The following TSPAN9 variants were observed in gnomAD, a reference collection of about 807,000 sequenced individuals.
TSPAN9 encodes the protein tetraspanin-9.
A neutral mutation model predicts 31.0 loss-of-function variants in TSPAN9; 16 were observed. That is an observed-to-expected ratio of 0.52 (90% CI 0.35 to 0.78). TSPAN9 has a LOEUF of 0.78. Ranked by LOEUF, TSPAN9 falls within the 30% of genes least tolerant of loss-of-function variation. TSPAN9 has a pLI of 0.01. For missense variants in TSPAN9, 272 were observed against 312.5 expected (o/e 0.87, Z 0.98); for synonymous variants, 145 against 121.6 (o/e 1.19, Z -1.27).
At chr12:3,214,292 C>T (rs1040464141) in intron 3 of TSPAN9, among the ~76,000 whole-genome samples, 3 of 152,222 alleles carry the variant, frequency 2.0e-5, no homozygotes, top group Admixed American at 6.5e-5. Flanking sequence ...TGATGGACCA[C>T]GGATGAGTTT....
chr12:3,169,331 G>A (rs2098350440), intron 2 of TSPAN9, among the ~76,000 whole-genome samples: 1 of 152,224 alleles, frequency 6.6e-6, no homozygotes, highest in African/African-American at 2.4e-5. Flanking sequence ...AGAAGTCAGG[G>A]CAGAGAGAGG....
chr12:3,255,870 C>T (rs764943579), intron 3 of TSPAN9, among the ~76,000 whole-genome samples: 19 of 152,208 alleles, frequency 1.2e-4, no homozygotes, highest in African/African-American at 1.9e-4. Flanking sequence ...AGACGTAGAT[C>T]GTGTGGCAAC....
At chr12:3,209,493 A>G (rs995667234) in intron 3 of TSPAN9, among the ~76,000 whole-genome samples, 4 of 152,086 alleles carry the variant, frequency 2.6e-5, no homozygotes, top group Non-Finnish European at 4.4e-5. Context: ...TTCTGGAAGT[A>G]TCTGTGGTGG....
At chr12:3,275,402 C>T (rs1649637396) in intron 3 of TSPAN9, among the ~76,000 whole-genome samples, 1 of 152,144 alleles carries the variant, frequency 6.6e-6, no homozygotes, top group Admixed American at 6.5e-5. Flanking sequence ...CAGCGAGTAC[C>T]TGCGGCAGTG....
rs991392568 is a variant in TSPAN9 at position 3,116,594 on chromosome 12, G to A, written c.-18+32875G>A. Among the ~76,000 whole-genome samples, 28 of 152,104 alleles carry A rather than the reference G, an allele frequency of 1.8e-4. 2 individuals are homozygous for A. The highest frequency in any genetic ancestry group is 7.2e-5 in the African/African-American group (3 of 41,422). On this transcript the variant is annotated intron_variant, in intron 2 of 8. Coordinates refer to ENST00000011898, the MANE Select transcript of TSPAN9 (RefSeq NM_006675.5). Reference sequence around the variant, plus strand: ...GGCCCTTGGAGGAGGAAGGGTCCCCGTAGGTCACCCTCACACTGGATTCCC... The same window carrying A: ...GGCCCTTGGAGGAGGAAGGGTCCCCATAGGTCACCCTCACACTGGATTCCC...
chr12:3,108,781 C>T (rs570995056), intron 2 of TSPAN9, among the ~76,000 whole-genome samples: 17 of 152,028 alleles, frequency 1.1e-4, no homozygotes, highest in Non-Finnish European at 1.6e-4. Context: ...GGCCTTCTAT[C>T]GGGGTTTTTA....
rs777065001 is a variant in TSPAN9 at position 3,285,796 on chromosome 12, A to G, written c.*2680A>G. ...TCAGAAAGTCCCTCAGGGTTTGTAG[A>G]GGACTGCAGGGGGGCATCCGCTGCA... On this transcript the variant is annotated 3_prime_UTR_variant, in exon 9 of 9. Coordinates refer to ENST00000011898, the MANE Select transcript of TSPAN9 (RefSeq NM_006675.5). 3.9e-5 allele frequency: 6 copies of G among 152,126 alleles called. No individual in the cohort carries two copies. Among genetic ancestry groups the G allele is most frequent in the Non-Finnish European group, 7.3e-5 (5 of 68,050 alleles). 9.4% of individuals were successfully genotyped at this position (152,126 alleles called of 1,614,324 possible). A position where few individuals can be genotyped will look rare whatever the true frequency, so the allele number is the denominator to read the frequency against.
At chr12:3,270,979 T>C (rs983358679) in intron 3 of TSPAN9, among the ~76,000 whole-genome samples, 2 of 152,246 alleles carry the variant, frequency 1.3e-5, no homozygotes, top group Non-Finnish European at 2.9e-5. Flanking sequence ...ACGATGCCCC[T>C]TAAGTTTGGC....
chr12:3,241,537 G>A (rs1399527682), intron 3 of TSPAN9, among the ~76,000 whole-genome samples: 2 of 152,206 alleles, frequency 1.3e-5, no homozygotes, highest in African/African-American at 2.4e-5. Context: ...AACTTCATAT[G>A]ACCAGAAGGA....
At chr12:3,221,459 A>G (rs2098384555) in intron 3 of TSPAN9, among the ~76,000 whole-genome samples, 1 of 150,416 alleles carries the variant, frequency 6.6e-6, no homozygotes, top group Admixed American at 6.7e-5. Context: ...CCCAGGTTCA[A>G]GTGATTCTCC....
chr12:3,103,906 T>A (rs1242003433), intron 2 of TSPAN9, among the ~76,000 whole-genome samples: 1 of 151,938 alleles, frequency 6.6e-6, no homozygotes, highest in Non-Finnish European at 1.5e-5. Context: ...AGACAGACAA[T>A]GAAAATTGGT....
At chr12:3,100,849 T>C (rs2098311561) in intron 2 of TSPAN9, among the ~76,000 whole-genome samples, 1 of 152,256 alleles carries the variant, frequency 6.6e-6, no homozygotes, top group Non-Finnish European at 1.5e-5. Flanking sequence ...TATGGTGTTT[T>C]TCTCATTATC....
At chr12:3,221,195 G>A (rs1203193303) in intron 3 of TSPAN9, among the ~76,000 whole-genome samples, 1 of 151,970 alleles carries the variant, frequency 6.6e-6, no homozygotes, top group African/African-American at 2.4e-5. Context: ...ATCCTTTACT[G>A]GTCCCTTCCC....
At chr12:3,159,775 C>T (rs1025932052) in intron 2 of TSPAN9, among the ~76,000 whole-genome samples, 4 of 152,210 alleles carry the variant, frequency 2.6e-5, no homozygotes, top group Non-Finnish European at 4.4e-5. Flanking sequence ...AACGTGAAGA[C>T]GTAGGGAGAA....
intron 2 of TSPAN9, among the ~76,000 whole-genome samples, chr12:3,095,883 C>G (rs2098308348): frequency 6.7e-6 from 1 of 148,828 alleles, no homozygotes; most frequent in Non-Finnish European, 1.5e-5. Context: ...CTCCTCACAT[C>G]CCAGACGATG....
At chr12:3,136,307 C>G (rs1294933088) in intron 2 of TSPAN9, among the ~76,000 whole-genome samples, 1 of 152,208 alleles carries the variant, frequency 6.6e-6, no homozygotes, top group Non-Finnish European at 1.5e-5. Context: ...AGGCTGGCTC[C>G]AGAGTCCCGG....
intron 2 of TSPAN9, among the ~76,000 whole-genome samples, chr12:3,175,039 G>A (rs544881370): frequency 1.9e-4 from 29 of 152,274 alleles, no homozygotes; most frequent in African/African-American, 6.5e-4. Flanking sequence ...GCTTTTGTCC[G>A]CAGCTCTGCG....
At position 3,278,632 on chromosome 12, in the gene TSPAN9, C is replaced by G; in HGVS notation, c.255+20C>G. The G allele has an allele frequency of 6.2e-7, 1 of 1,604,862 alleles. No homozygotes were observed. The highest frequency in any genetic ancestry group is 1.1e-5 in the South Asian group (1 of 89,946). On this transcript the variant is annotated intron_variant, in intron 4 of 8. Coordinates refer to ENST00000011898, the MANE Select transcript of TSPAN9 (RefSeq NM_006675.5). The stretch of plus-strand genomic sequence containing the variant: ...CTCAGCGTAAGTTCTGTCCAAATCC[C>G]CAGCCCCTCCAACTCCTGATCTCCT...
rs528236686 is a variant in TSPAN9, at chr12:3,113,792, G to T, written c.-18+30073G>T. Reference sequence around the variant, plus strand: ...TCAGTGTCCTTTTACTCTTCTATTGGGCCTTGCGCCCTCCCTCTTTGAGGT... The same window carrying T: ...TCAGTGTCCTTTTACTCTTCTATTGTGCCTTGCGCCCTCCCTCTTTGAGGT... On this transcript the variant is annotated intron_variant, in intron 2 of 8. Transcript: ENST00000011898. 6.6e-5 allele frequency among the ~76,000 whole-genome samples: 10 copies of T among 152,198 alleles called. No individual in the cohort carries two copies. In the South Asian group the frequency reaches 2.1e-3, roughly 32 times the overall value.
Sources: allele counts gnomAD v4.1 joint callset (sites outside exome capture counted in the v4.1 genomes callset), GRCh38; gene constraint gnomAD v4.1.1; transcripts MANE v1.5; gene names NCBI Gene and HGNC (gene_info 2026-07-23, HGNC 2026-07-21).